CDH13: variants seen among roughly 807,000 people sequenced by gnomAD.
CDH13 encodes cadherin-13.
In CDH13, 24 loss-of-function variants were observed where a neutral mutation model predicts 63.8. The observed-to-expected ratio is 0.38, with a 90% CI of 0.27 to 0.53. The LOEUF is 0.53. CDH13 is among the 20% of genes least tolerant of loss of function. The probability of loss-of-function intolerance (pLI) is 0.85; values close to 1 mark genes in which losing one functional copy is unlikely to be tolerated. For synonymous variants in CDH13, 503 were observed against 355.3 expected (o/e 1.42, Z -4.67); for missense variants, 1,049 against 903.1 (o/e 1.16, Z -2.07).
At chr16:83,090,439 T>C (rs975837382) in intron 3 of CDH13, among the ~76,000 whole-genome samples, 2 of 152,002 alleles carry the variant, frequency 1.3e-5, no homozygotes, top group Non-Finnish European at 2.9e-5. Context: ...TTGGGCATGG[T>C]GGTGCACCCC....
intron 11 of CDH13, among the ~76,000 whole-genome samples, chr16:83,762,697 G>A (rs1274206283): frequency 3.3e-5 from 5 of 152,152 alleles, no homozygotes; most frequent in Non-Finnish European, 7.3e-5. Flanking sequence ...CTCACTCCAC[G>A]CTCACTGCTC....
At chr16:83,699,668 C>G (rs535619246) in intron 10 of CDH13, among the ~76,000 whole-genome samples, 126 of 152,226 alleles carry the variant, frequency 8.3e-4, no homozygotes, top group Middle Eastern at 3.4e-3. Context: ...CACACACACT[C>G]ACTGTCATCA....
intron 11 of CDH13, among the ~76,000 whole-genome samples, chr16:83,776,539 T>C (rs548949261): frequency 7.2e-5 from 11 of 152,350 alleles, no homozygotes; most frequent in African/African-American, 2.4e-4. Flanking sequence ...ACTCTGTAGC[T>C]GTCTTTGGGT....
At chr16:82,747,522 G>T (rs926613328) in intron 1 of CDH13, among the ~76,000 whole-genome samples, 1 of 152,152 alleles carries the variant, frequency 6.6e-6, no homozygotes, top group Non-Finnish European at 1.5e-5. Flanking sequence ...TGCATTACCT[G>T]AGAACTTATT....
intron 2 of CDH13, among the ~76,000 whole-genome samples, chr16:82,998,054 A>G (rs1314409408): frequency 2.6e-5 from 4 of 152,230 alleles, no homozygotes; most frequent in African/African-American, 7.2e-5. Flanking sequence ...GTCATGGTCA[A>G]TTCATGGCAG....
chr16:83,412,199 C>A (rs769369392), intron 6 of CDH13, among the ~76,000 whole-genome samples: 2 of 152,208 alleles, frequency 1.3e-5, no homozygotes, highest in Non-Finnish European at 2.9e-5. Context: ...TGGTAGCTCA[C>A]TCCTGTAATC....
At position 83,523,901 on chromosome 16, in the gene CDH13, G is replaced by C. The variant is rs548692736; in HGVS notation, c.960+37246G>C. Among the ~76,000 whole-genome samples the C allele has an allele frequency of 2.0e-5, 3 of 152,152 alleles. No homozygotes were observed. In the South Asian group the frequency reaches 6.2e-4, roughly 32 times the overall value. On this transcript the variant is annotated intron_variant, in intron 7 of 13. Coordinates refer to ENST00000567109, the MANE Select transcript of CDH13 (RefSeq NM_001257.5). Reference sequence around the variant, plus strand: ...GATGAAGCATCCAGAACCTGTGTCAGGACTCTAGAATGAAGATTCACCTTC... The same window carrying C: ...GATGAAGCATCCAGAACCTGTGTCACGACTCTAGAATGAAGATTCACCTTC...
chr16:83,658,288 C>G (rs1277318694), intron 8 of CDH13, among the ~76,000 whole-genome samples: 3 of 127,774 alleles, frequency 2.3e-5, no homozygotes, highest in African/African-American at 8.7e-5. Context: ...CCAGCAAGGT[C>G]TCATGTCCTC....
chr16:83,363,026 A>G (rs187725393), intron 6 of CDH13, among the ~76,000 whole-genome samples: 1 of 152,220 alleles, frequency 6.6e-6, no homozygotes, highest in Non-Finnish European at 1.5e-5. Context: ...CTCAAAGGAT[A>G]AGGTCAAACT....
At chr16:82,868,481 C>T (rs780741835) in intron 2 of CDH13, among the ~76,000 whole-genome samples, 2 of 152,130 alleles carry the variant, frequency 1.3e-5, no homozygotes, top group African/African-American at 4.8e-5. Flanking sequence ...ACATCAAAGA[C>T]AGATGTAACA....
intron 1 of CDH13, among the ~76,000 whole-genome samples, chr16:82,710,370 A>G (rs113743284): frequency 6.4e-4 from 93 of 145,568 alleles, no homozygotes; most frequent in African/African-American, 2.1e-3. Context: ...CATCTCTACT[A>G]TAAATACAAA....
chr16:83,157,307 C>T (rs907796006), intron 4 of CDH13, among the ~76,000 whole-genome samples: 1 of 152,092 alleles, frequency 6.6e-6, no homozygotes, highest in Admixed American at 6.5e-5. Context: ...GAACAGGAGC[C>T]AGGTAGTGAA....
chr16:83,432,462 C>G (rs907769177), intron 6 of CDH13, among the ~76,000 whole-genome samples: 1 of 152,142 alleles, frequency 6.6e-6, no homozygotes, highest in Admixed American at 6.5e-5. Context: ...GGGACCTATG[C>G]CTACTTCCAC....
chr16:83,689,962 G>C (rs1007365030), intron 10 of CDH13, among the ~76,000 whole-genome samples: 3 of 152,182 alleles, frequency 2.0e-5, no homozygotes, highest in African/African-American at 7.2e-5. Context: ...AAGGTGGGTG[G>C]ATCACCTGAG....
At chr16:83,456,209 T>C (rs2073020992) in intron 6 of CDH13, among the ~76,000 whole-genome samples, 1 of 152,230 alleles carries the variant, frequency 6.6e-6, no homozygotes, top group African/African-American at 2.4e-5. Context: ...TTCCCTGCTC[T>C]GGAGATAGTG....
intron 6 of CDH13, among the ~76,000 whole-genome samples, chr16:83,424,027 A>T (rs539949909): frequency 2.0e-4 from 31 of 152,268 alleles, no homozygotes; most frequent in African/African-American, 7.2e-4. Flanking sequence ...TGAACAGTCT[A>T]GAAGAGGGAA....
At chr16:83,105,971 A>G (rs1474067096) in intron 3 of CDH13, among the ~76,000 whole-genome samples, 1 of 152,234 alleles carries the variant, frequency 6.6e-6, no homozygotes, top group East Asian at 1.9e-4. Flanking sequence ...GGTTGGGACC[A>G]CAAAAGTTGT....
chr16:83,119,240 C>A (rs999358145), intron 3 of CDH13, among the ~76,000 whole-genome samples: 2 of 152,176 alleles, frequency 1.3e-5, no homozygotes, highest in Non-Finnish European at 2.9e-5. Context: ...TGAAACTCAT[C>A]AGATGGTTAC....
chr16:82,999,232 C>G (rs72794137), intron 2 of CDH13, among the ~76,000 whole-genome samples: 15,614 of 152,046 alleles, frequency 0.1, 891 homozygotes, highest in African/African-American at 0.16. Flanking sequence ...CTTAATGTTA[C>G]TAGCATTTAA....
Sources: gnomAD v4.1 joint callset for allele counts (sites outside exome capture counted in the v4.1 genomes callset) on GRCh38, gnomAD v4.1.1 for gene constraint, MANE v1.5 for transcripts, NCBI Gene and HGNC (gene_info 2026-07-23, HGNC 2026-07-21) for gene names.